The following ZSWIM6 variants were observed in gnomAD, a reference collection of about 807,000 sequenced individuals.
The protein encoded by ZSWIM6 is zinc finger SWIM domain-containing protein 6.
A neutral mutation model predicts 113.2 loss-of-function variants in ZSWIM6; 9 were observed. The observed-to-expected ratio is 0.08, with a 90% CI of 0.05 to 0.14. ZSWIM6 has a LOEUF of 0.14. Ranked by LOEUF, ZSWIM6 falls within the 10% of genes least tolerant of loss-of-function variation. The pLI, the probability that ZSWIM6 is intolerant of heterozygous loss-of-function variation, is 1.00. For synonymous variants in ZSWIM6, 611 were observed against 606.5 expected (o/e 1.01, Z -0.11); for missense variants, 1,162 against 1,552.2 (o/e 0.75, Z 4.22).
intron 4 of ZSWIM6, among the ~76,000 whole-genome samples, chr5:61,513,543 C>T (rs558773133): frequency 6.6e-6 from 1 of 152,004 alleles, no homozygotes; most frequent in East Asian, 1.9e-4. Context: ...GTAACATTAT[C>T]TTTGCCTAAA....
Position 61,445,214 on chromosome 5 carries a change from C to G in ZSWIM6, c.677-27467C>G, listed in dbSNP as rs190252029. ...AAACTTATCAAAGTAAGACAATTAA[C>G]TTTTCTCTCTGTCATTTAAAAAAAA... On this transcript the variant is annotated intron_variant, in intron 1 of 13. Transcript: ENST00000252744. Among the ~76,000 whole-genome samples, 263 of 152,246 alleles carry G rather than the reference C, an allele frequency of 1.7e-3. 1 individual carries two copies. The highest frequency in any genetic ancestry group is 3.4e-3 in the Middle Eastern group (1 of 294).
intron 1 of ZSWIM6, among the ~76,000 whole-genome samples, chr5:61,462,713 G>T (rs1216911628): frequency 6.6e-6 from 1 of 152,178 alleles, no homozygotes; most frequent in Non-Finnish European, 1.5e-5. Flanking sequence ...AATGATGATG[G>T]CAGGCATTCC....
intron 1 of ZSWIM6, among the ~76,000 whole-genome samples, chr5:61,356,909 G>A (rs1197898751): frequency 6.7e-6 from 1 of 149,978 alleles, no homozygotes; most frequent in East Asian, 1.9e-4. Context: ...TTGAGTTTCA[G>A]TGTTTCTTGG....
At chr5:61,373,017 AC>A (rs1745298844) in intron 1 of ZSWIM6, among the ~76,000 whole-genome samples, 1 of 152,130 alleles carries the variant, frequency 6.6e-6, no homozygotes, top group African/African-American at 2.4e-5. Context: ...CCTCTTTGTT[AC>A]CCATAATTTT....
At chr5:61,520,835 A>G (rs1223582835) in intron 4 of ZSWIM6, among the ~76,000 whole-genome samples, 1 of 152,206 alleles carries the variant, frequency 6.6e-6, no homozygotes, top group Non-Finnish European at 1.5e-5. Flanking sequence ...ATATTGCAGT[A>G]TCCATGTATA....
intron 1 of ZSWIM6, among the ~76,000 whole-genome samples, chr5:61,450,845 C>T (rs1747072243): frequency 6.6e-6 from 1 of 152,108 alleles, no homozygotes; most frequent in Non-Finnish European, 1.5e-5. Context: ...AGAGGAACCC[C>T]AGGAACATTT....
intron 1 of ZSWIM6, among the ~76,000 whole-genome samples, chr5:61,382,671 G>T (rs1745508690): frequency 6.6e-6 from 1 of 152,080 alleles, no homozygotes; most frequent in Non-Finnish European, 1.5e-5. Flanking sequence ...TGGGCATGGT[G>T]GTGCACTCTG....
chr5:61,408,852 G>A (rs1023445412), intron 1 of ZSWIM6, among the ~76,000 whole-genome samples: 30 of 152,102 alleles, frequency 2.0e-4, no homozygotes, highest in African/African-American at 5.3e-4. Flanking sequence ...TGACGTCAGC[G>A]CCGCCGGTTC....
intron 1 of ZSWIM6, among the ~76,000 whole-genome samples, chr5:61,431,412 A>C (rs1746577916): frequency 6.7e-6 from 1 of 150,240 alleles, no homozygotes; most frequent in Non-Finnish European, 1.5e-5. Flanking sequence ...TCTTATGGTA[A>C]ATAAATCGTG....
At chr5:61,453,096 A>G (rs760491181) in intron 1 of ZSWIM6, among the ~76,000 whole-genome samples, 1 of 152,228 alleles carries the variant, frequency 6.6e-6, no homozygotes. Flanking sequence ...ATTATTGGCT[A>G]TGCTAACCTT....
intron 1 of ZSWIM6, among the ~76,000 whole-genome samples, chr5:61,404,009 A>ATTT (rs61133998): frequency 1.4e-5 from 2 of 143,990 alleles, no homozygotes; most frequent in Non-Finnish European, 1.5e-5. Flanking sequence ...TAAAAAAGTA[A>ATTT]TTTTTTTTTT....
rs1436053328 is a variant in ZSWIM6 at position 61,472,065 on chromosome 5, A to G, written c.677-616A>G. Among the ~76,000 whole-genome samples, 1 of 152,150 alleles carries G rather than the reference A, an allele frequency of 6.6e-6. No individual in the cohort carries two copies. Among genetic ancestry groups the G allele is most frequent in the African/African-American group, 2.4e-5 (1 of 41,428 alleles). ...ATTTGGTGGGCCTTGCAATTCTATA[A>G]GCAGTTGCTGCTCATAGACATTGCT... On this transcript the variant is annotated intron_variant, in intron 1 of 13. Coordinates refer to ENST00000252744, the MANE Select transcript of ZSWIM6 (RefSeq NM_020928.2). The surrounding 1 kb of genome is among the most constrained non-coding windows in gnomAD (Gnocchi z 4.1).
At chr5:61,421,177 C>A (rs1210552485) in intron 1 of ZSWIM6, among the ~76,000 whole-genome samples, 2 of 152,230 alleles carry the variant, frequency 1.3e-5, no homozygotes, top group Admixed American at 1.3e-4. Flanking sequence ...GCCTTGGCCT[C>A]CCAAAGTGCT....
intron 1 of ZSWIM6, among the ~76,000 whole-genome samples, chr5:61,435,972 C>T (rs892585335): frequency 4.6e-5 from 7 of 152,226 alleles, no homozygotes; most frequent in South Asian, 4.1e-4. Context: ...GAGGCCAAGG[C>T]GAGCGGATCA....
chr5:61,359,798 A>C (rs1744993531), intron 1 of ZSWIM6, among the ~76,000 whole-genome samples: 1 of 152,184 alleles, frequency 6.6e-6, no homozygotes, highest in South Asian at 2.1e-4. Context: ...AACGACTGTA[A>C]GAAGTAGGTG....
chr5:61,401,533 A>G (rs1256368249), intron 1 of ZSWIM6, among the ~76,000 whole-genome samples: 3 of 152,164 alleles, frequency 2.0e-5, no homozygotes, highest in Non-Finnish European at 4.4e-5. Context: ...CTCATATATT[A>G]TGAGGTATAT....
At chr5:61,405,480 T>C (rs1024566628) in intron 1 of ZSWIM6, among the ~76,000 whole-genome samples, 7 of 152,202 alleles carry the variant, frequency 4.6e-5, no homozygotes, top group Admixed American at 4.6e-4. Context: ...TAATAGACTT[T>C]ATGAGGGGCT....
At chr5:61,488,308 G>T (rs1748078040) in intron 2 of ZSWIM6, among the ~76,000 whole-genome samples, 2 of 151,954 alleles carry the variant, frequency 1.3e-5, no homozygotes, top group African/African-American at 2.4e-5. Flanking sequence ...AGGGATATTG[G>T]TCTCTAGTTT....
intron 1 of ZSWIM6, among the ~76,000 whole-genome samples, chr5:61,399,123 C>T (rs1745897694): frequency 6.6e-6 from 1 of 151,144 alleles, no homozygotes; most frequent in African/African-American, 2.4e-5. Flanking sequence ...CGGGGTTTCT[C>T]CATGTTGGGC....
Sources: allele counts gnomAD v4.1 joint callset (sites outside exome capture counted in the v4.1 genomes callset), GRCh38; gene constraint gnomAD v4.1.1; non-coding constraint Gnocchi (gnomAD v3.1); transcripts MANE v1.5; gene names NCBI Gene and HGNC (gene_info 2026-07-23, HGNC 2026-07-21).